The following AASDH variants were observed in gnomAD, a reference collection of about 807,000 sequenced individuals.
The protein encoded by AASDH is aminoadipate-semialdehyde dehydrogenase.
In AASDH, 81 loss-of-function variants were observed where a neutral mutation model predicts 102.3. The observed-to-expected ratio is 0.79, with a 90% CI of 0.66 to 0.95. The LOEUF is 0.95. Among genes scored for constraint, AASDH ranks in the 40% least tolerant of loss-of-function variants. The pLI, the probability that AASDH is intolerant of heterozygous loss-of-function variation, is 0.00. For synonymous variants in AASDH, 398 were observed against 454.0 expected, an observed-to-expected ratio of 0.88 and a Z score of 1.57; for missense variants, 1,203 against 1,266.2, an observed-to-expected ratio of 0.95 and a Z score of 0.76.
chr4:56,371,697 T>C lies in AASDH; in HGVS notation c.669-54A>G, dbSNP rs947258213. On this transcript the variant is annotated intron_variant, in intron 4 of 14. Transcript: ENST00000205214. Reference sequence around the variant, plus strand: ...AAACGTCAAACATTCAGTAAGCACATATCCTAAAAGAGTGTTCATGTGTTT... The same window carrying C: ...AAACGTCAAACATTCAGTAAGCACACATCCTAAAAGAGTGTTCATGTGTTT... 16 of 1,479,896 alleles carry C rather than the reference T, an allele frequency of 1.1e-5. No homozygotes were observed. In the African/African-American group the frequency reaches 2.0e-4, roughly 18 times the overall value. 91.7% of individuals were successfully genotyped at this position (1,479,896 alleles called of 1,614,324 possible).
chr4:56,347,402 T>C lies in AASDH; in HGVS notation c.2488+1861A>G, dbSNP rs535272493. On this transcript the variant is annotated intron_variant, in intron 11 of 14. Transcript: ENST00000205214. ...TAGCACAAGTAGGGAAAGCTATTCCTAAGCCTTTAGTTTGAAAAGCTTTGA... is the reference window on the plus strand; with the variant it reads ...TAGCACAAGTAGGGAAAGCTATTCCCAAGCCTTTAGTTTGAAAAGCTTTGA... 1.1e-3 allele frequency among the ~76,000 whole-genome samples: 169 copies of C among 152,246 alleles called. 1 individual carries two copies. The highest frequency in any genetic ancestry group is 3.9e-3 in the African/African-American group (164 of 41,538).
intron 14 of AASDH, among the ~76,000 whole-genome samples, chr4:56,341,559 ATTTTTTT>A (rs543126027): frequency 3.1e-4 from 41 of 134,114 alleles, no homozygotes; most frequent in African/African-American, 1.1e-3. Flanking sequence ...CACCCAGCTA[ATTTTTTT>A]TTTTTTTTTG....
chr4:56,357,756 T>C (rs758286872), intron 5 of AASDH, among the ~76,000 whole-genome samples: 1 of 151,854 alleles, frequency 6.6e-6, no homozygotes, highest in Admixed American at 6.6e-5. Context: ...ATACAATTCA[T>C]CTATGCTGCT....
intron 5 of AASDH, among the ~76,000 whole-genome samples, chr4:56,361,325 C>T (rs1750264298): frequency 6.6e-6 from 1 of 152,134 alleles, no homozygotes; most frequent in African/African-American, 2.4e-5. Flanking sequence ...ATGAGAATCA[C>T]TTGAACCCAG....
At chr4:56,368,757 A>C (rs1751337410) in intron 5 of AASDH, among the ~76,000 whole-genome samples, 1 of 150,638 alleles carries the variant, frequency 6.6e-6, no homozygotes, top group African/African-American at 2.4e-5. Context: ...ATTAGGAGAG[A>C]TACCTAATGC....
rs1753101542 is a variant in AASDH at position 56,382,558 on chromosome 4, T to C, written c.270A>G (p.Pro90=). ...QVPAAYVPIE[P]DSPPSLSTHF... is the part of the protein sequence containing the mutation. The stretch of plus-strand genomic sequence containing the variant: ...GAGTTGATAATGACGGTGGTGAATC[T>C]GGCTCGATAGGTACATAAGCAGCCG... The change falls in exon 3 of 15, where the codon CCA becomes CCG. Residue 90 remains proline (P), a synonymous_variant. Transcript: ENST00000205214. 2 of 1,612,438 alleles carry C rather than the reference T, an allele frequency of 1.2e-6. No individual in the cohort carries two copies. Among genetic ancestry groups the C allele is most frequent in the East Asian group, 4.5e-5 (2 of 44,800 alleles).
At chr4:56,379,331 CTA>C (rs1177650583) in intron 3 of AASDH, among the ~76,000 whole-genome samples, 2 of 152,092 alleles carry the variant, frequency 1.3e-5, no homozygotes, top group African/African-American at 4.8e-5. Flanking sequence ...CGATGTCTCA[CTA>C]TGTTACCCAA....
intron 5 of AASDH, among the ~76,000 whole-genome samples, chr4:56,368,877 AAAC>A (rs1243442825): frequency 4.8e-4 from 66 of 137,230 alleles, no homozygotes; most frequent in Non-Finnish European, 8.5e-4. Flanking sequence ...TTAAAAAAAA[AAAC>A]AAATGTAAAT....
chr4:56,365,583 C>T (rs536486212), intron 5 of AASDH, among the ~76,000 whole-genome samples: 1 of 152,098 alleles, frequency 6.6e-6, no homozygotes, highest in South Asian at 2.1e-4. Flanking sequence ...AACCGCTCAA[C>T]TACATGGAAA....
intron 5 of AASDH, among the ~76,000 whole-genome samples, chr4:56,363,855 G>C (rs1243891633): frequency 6.6e-6 from 1 of 152,136 alleles, no homozygotes; most frequent in African/African-American, 2.4e-5. Context: ...ACCAGCAATG[G>C]AACAAAGCTG....
chr4:56,376,525 A>C (rs555545095), intron 4 of AASDH, among the ~76,000 whole-genome samples: 4 of 152,330 alleles, frequency 2.6e-5, no homozygotes, highest in Non-Finnish European at 5.9e-5. Context: ...GTCGATTACA[A>C]CAGACATCTT....
intron 7 of AASDH, 121 bp from the exon 8 acceptor site, chr4:56,354,332 C>A: frequency 1.2e-6 from 1 of 810,182 alleles, no homozygotes; most frequent in African/African-American, 1.8e-5. Context: ...AAAAGATGGG[C>A]TCATTTTAAA....
intron 1 of AASDH, among the ~76,000 whole-genome samples, chr4:56,386,812 A>AAAAAAAAAAAAAAAGG (rs1393630569): frequency 6.7e-6 from 1 of 149,114 alleles, no homozygotes; most frequent in East Asian, 1.9e-4. Flanking sequence ...AAAAAAAAAA[A>AAAAAAAAAAAAAAAGG]AAAAAAAAAA....
intron 4 of AASDH, among the ~76,000 whole-genome samples, chr4:56,377,811 TTTG>T (rs1752527917): frequency 6.6e-6 from 1 of 152,202 alleles, no homozygotes; most frequent in Admixed American, 6.5e-5. Flanking sequence ...GGTTTTTTGT[TTTG>T]TTTTGTTTTT....
intron 14 of AASDH, among the ~76,000 whole-genome samples, chr4:56,342,244 T>C (rs1747790187): frequency 6.6e-6 from 1 of 151,870 alleles, no homozygotes; most frequent in African/African-American, 2.4e-5. Flanking sequence ...GTAGGATGAC[T>C]ACAGCCAACA....
rs1454310474 is a variant in AASDH at position 56,353,903 on chromosome 4, A to C, written c.1383+136T>G. On this transcript the variant is annotated intron_variant, in intron 8 of 14. Transcript: ENST00000205214. ...GGATAAGGGGCACCCTGAATTATTC[A>C]TACCCTTTATTGTAATTCATCACTA... 3.9e-6 allele frequency: 3 copies of C among 778,322 alleles called. No individual in the cohort carries two copies. The African/African-American group carries it at 5.3e-5, about 14-fold the overall frequency. 48.2% of individuals were successfully genotyped at this position (778,322 alleles called of 1,614,324 possible). A position where few individuals can be genotyped will look rare whatever the true frequency, so the allele number is the denominator to read the frequency against.
intron 10 of AASDH, among the ~76,000 whole-genome samples, chr4:56,350,561 C>T (rs1200455879): frequency 6.6e-6 from 1 of 151,786 alleles, no homozygotes; most frequent in African/African-American, 2.4e-5. Context: ...ACTGTACTAC[C>T]AATTTTGTCA....
chr4:56,350,516 A>G (rs1463849026), intron 10 of AASDH, among the ~76,000 whole-genome samples: 2 of 151,790 alleles, frequency 1.3e-5, no homozygotes, highest in African/African-American at 4.8e-5. Context: ...ATAAAAATAA[A>G]GTTTTAAATT....
intron 5 of AASDH, among the ~76,000 whole-genome samples, chr4:56,370,531 G>A (rs116118452): frequency 0.016 from 2,443 of 152,306 alleles, 76 homozygotes; most frequent in African/African-American, 0.055. Flanking sequence ...TGAGATTAGT[G>A]CCCTTATAAA....
Sources: gnomAD v4.1 joint callset for allele counts (sites outside exome capture counted in the v4.1 genomes callset) on GRCh38, gnomAD v4.1.1 for gene constraint, MANE v1.5 for transcripts, NCBI Gene and HGNC (gene_info 2026-07-23, HGNC 2026-07-21) for gene names.